The following EPHA6 variants were observed in gnomAD, a reference collection of about 807,000 sequenced individuals.
EPHA6 encodes the protein EPH receptor A6.
In EPHA6, 50 loss-of-function variants were observed where a neutral mutation model predicts 112.0. That is an observed-to-expected ratio of 0.45 (90% CI 0.36 to 0.56). The LOEUF is 0.56. Among genes scored for constraint, EPHA6 ranks in the 20% least tolerant of loss-of-function variants. The probability of loss-of-function intolerance (pLI) is 0.00; values close to 1 mark genes in which losing one functional copy is unlikely to be tolerated. For synonymous variants in EPHA6, 529 were observed against 490.7 expected (o/e 1.08, Z -1.03); for missense variants, 1,280 against 1,417.4 (o/e 0.90, Z 1.56).
At chr3:97,096,292 C>T (rs147614382) in intron 3 of EPHA6, among the ~76,000 whole-genome samples, 1,777 of 151,114 alleles carry the variant, frequency 0.012, 20 homozygotes, top group Non-Finnish European at 0.018. Context: ...CACACACACA[C>T]ATATATATAC....
At chr3:97,703,851 A>C (rs1410185139) in intron 14 of EPHA6, among the ~76,000 whole-genome samples, 1 of 152,146 alleles carries the variant, frequency 6.6e-6, no homozygotes, top group Admixed American at 6.6e-5. Context: ...TTCGTATAGA[A>C]TTTCATAACT....
intron 3 of EPHA6, among the ~76,000 whole-genome samples, chr3:97,090,923 G>C (rs1410120447): frequency 6.6e-6 from 1 of 152,066 alleles, no homozygotes; most frequent in Non-Finnish European, 1.5e-5. Context: ...ACGAATATAT[G>C]TTGCAGTGAA....
Position 97,363,979 on chromosome 3 carries a change from AT to A in EPHA6, c.1607-41170del, listed in dbSNP as rs1281821699. 2.0e-5 allele frequency among the ~76,000 whole-genome samples: 3 copies of A among 152,148 alleles called. No homozygotes were observed. In the East Asian group the frequency reaches 5.8e-4, roughly 29 times the overall value. On this transcript the variant is annotated intron_variant, in intron 5 of 17. Coordinates refer to ENST00000389672, the MANE Select transcript of EPHA6 (RefSeq NM_001080448.3). Reference sequence around the variant, plus strand: ...CAAATTCATAAAGACAGAAAGTAGAATAGTGGTTTGCAACGGCTGGGAGAGG... The same window carrying A: ...CAAATTCATAAAGACAGAAAGTAGAAAGTGGTTTGCAACGGCTGGGAGAGG...
intron 5 of EPHA6, among the ~76,000 whole-genome samples, chr3:97,245,313 C>G (rs957134820): frequency 1.3e-5 from 2 of 151,914 alleles, no homozygotes; most frequent in African/African-American, 4.8e-5. Flanking sequence ...CAAGGTCTGT[C>G]CTCCTTATGT....
rs375162002 is a variant in EPHA6 at position 97,758,269 on chromosome 3, A to G, written c.*9568A>G. 3.1e-4 allele frequency among the ~76,000 whole-genome samples: 47 copies of G among 152,092 alleles called. No homozygotes were observed. In the South Asian group the frequency reaches 9.1e-3, roughly 29 times the overall value. On this transcript the variant is annotated 3_prime_UTR_variant, in exon 18 of 18. Coordinates refer to ENST00000389672, the MANE Select transcript of EPHA6 (RefSeq NM_001080448.3). ...TACAACCTTGATCACTCTACCATTA[A>G]ATGCAATAATAAGGTATCTATAATA...
intron 14 of EPHA6, among the ~76,000 whole-genome samples, chr3:97,651,659 A>G (rs1420376646): frequency 1.3e-5 from 2 of 152,014 alleles, no homozygotes; most frequent in African/African-American, 4.8e-5. Flanking sequence ...AACATTCAGC[A>G]TTGTCTAATT....
At chr3:97,312,660 G>T (rs1443731956) in intron 5 of EPHA6, among the ~76,000 whole-genome samples, 1 of 151,338 alleles carries the variant, frequency 6.6e-6, no homozygotes, top group African/African-American at 2.4e-5. Context: ...GATTGAAGAA[G>T]TTTCCTCCTA....
chr3:96,861,128 A>G (rs1475172107), intron 1 of EPHA6, among the ~76,000 whole-genome samples: 3 of 152,088 alleles, frequency 2.0e-5, no homozygotes, highest in Non-Finnish European at 4.4e-5. Flanking sequence ...AGGCTGAAGC[A>G]AATATAGCTC....
At chr3:97,556,847 T>A (rs1196829920) in intron 11 of EPHA6, among the ~76,000 whole-genome samples, 1 of 152,052 alleles carries the variant, frequency 6.6e-6, no homozygotes, top group Non-Finnish European at 1.5e-5. Flanking sequence ...ATATCTCAAT[T>A]AAAATTTTTA....
rs183426446 is a variant in EPHA6, at chr3:97,601,250, T to A, written c.2512+8513T>A. Among the ~76,000 whole-genome samples the A allele has an allele frequency of 7.8e-4, 119 of 152,268 alleles. 1 individual carries two copies. Among genetic ancestry groups the A allele is most frequent in the African/African-American group, 2.7e-3 (113 of 41,540 alleles). On this transcript the variant is annotated intron_variant, in intron 12 of 17. Coordinates refer to ENST00000389672, the MANE Select transcript of EPHA6 (RefSeq NM_001080448.3). ...TTCTTACAAAGAAAAATTCTGAAAA[T>A]CTTTCCATGGCTTGCTAAGTTAGCT... is the stretch of plus-strand genomic sequence containing the variant.
intron 3 of EPHA6, among the ~76,000 whole-genome samples, chr3:97,101,680 G>A (rs62265074): frequency 0.21 from 32,023 of 151,844 alleles, 4,793 homozygotes; most frequent in African/African-American, 0.4. Context: ...TGTTTAGTAA[G>A]ATCTAAATAG....
At chr3:97,066,579 A>G (rs2046184915) in intron 3 of EPHA6, among the ~76,000 whole-genome samples, 1 of 152,158 alleles carries the variant, frequency 6.6e-6, no homozygotes, top group African/African-American at 2.4e-5. Context: ...GTTTCTGCTG[A>G]TAAGACCCAA....
chr3:96,822,976 A>G (rs115696492), intron 1 of EPHA6, among the ~76,000 whole-genome samples: 1,837 of 151,700 alleles, frequency 0.012, 34 homozygotes, highest in African/African-American at 0.043. Flanking sequence ...GCAAGTTAAT[A>G]AAGATAAATG....
At chr3:97,348,959 C>T (rs370160643) in intron 5 of EPHA6, among the ~76,000 whole-genome samples, 3 of 152,092 alleles carry the variant, frequency 2.0e-5, no homozygotes, top group Admixed American at 1.3e-4. Flanking sequence ...ATTAAAATAC[C>T]TTAACAAATG....
chr3:97,148,930 A>G (rs1370374278), intron 3 of EPHA6, among the ~76,000 whole-genome samples: 1 of 152,122 alleles, frequency 6.6e-6, no homozygotes, highest in Admixed American at 6.6e-5. Flanking sequence ...CAAATGTCAG[A>G]GTAGCCACTT....
chr3:97,696,147 T>G (rs929426267), intron 14 of EPHA6, among the ~76,000 whole-genome samples: 4 of 152,200 alleles, frequency 2.6e-5, no homozygotes, highest in African/African-American at 9.6e-5. Flanking sequence ...ACTTCATTTT[T>G]CCCCAACACT....
chr3:97,124,949 A>G (rs1249310647), intron 3 of EPHA6, among the ~76,000 whole-genome samples: 2 of 152,202 alleles, frequency 1.3e-5, no homozygotes, highest in Non-Finnish European at 2.9e-5. Context: ...TTACTAAAAT[A>G]CAGTGACTGG....
chr3:97,578,704 G>C (rs2107270113), intron 11 of EPHA6, among the ~76,000 whole-genome samples: 1 of 152,172 alleles, frequency 6.6e-6, no homozygotes, highest in Non-Finnish European at 1.5e-5. Flanking sequence ...CTTTTAAAAA[G>C]ATTTTTTCAG....
intron 14 of EPHA6, among the ~76,000 whole-genome samples, chr3:97,689,344 G>A (rs1212951402): frequency 6.6e-6 from 1 of 152,198 alleles, no homozygotes; most frequent in East Asian, 1.9e-4. Context: ...TAGAGTATAA[G>A]AGTAACATGT....
Sources: gnomAD v4.1 joint callset for allele counts (sites outside exome capture counted in the v4.1 genomes callset) on GRCh38, gnomAD v4.1.1 for gene constraint, MANE v1.5 for transcripts, NCBI Gene and HGNC (gene_info 2026-07-23, HGNC 2026-07-21) for gene names.